Variants in STK32B observed in about 807,000 individuals in gnomAD.
STK32B encodes serine/threonine kinase 32B.
STK32B carries 43 observed loss-of-function variants against 52.6 expected under a neutral mutation model. That is an observed-to-expected ratio of 0.82 (90% CI 0.64 to 1.05). The LOEUF (loss-of-function observed/expected upper bound fraction) is 1.05, where lower values mean the gene tolerates loss of function less well. STK32B is among the 50% of genes least tolerant of loss of function. STK32B has a pLI of 0.00. For synonymous variants in STK32B, 238 were observed against 204.3 expected, an observed-to-expected ratio of 1.17 and a Z score of -1.41; for missense variants, 621 against 534.6, an observed-to-expected ratio of 1.16 and a Z score of -1.59.
intron 2 of STK32B, among the ~76,000 whole-genome samples, chr4:5,166,155 A>G (rs1225205017): frequency 6.6e-6 from 1 of 152,148 alleles, no homozygotes; most frequent in African/African-American, 2.4e-5. Flanking sequence ...CTGTGACACC[A>G]GGAGAAAACC....
At chr4:5,360,954 G>A (rs969053964) in intron 4 of STK32B, among the ~76,000 whole-genome samples, 2 of 152,134 alleles carry the variant, frequency 1.3e-5, no homozygotes, top group Non-Finnish European at 2.9e-5. Flanking sequence ...TTGCAAAACC[G>A]AAATTCTGTA....
intron 4 of STK32B, among the ~76,000 whole-genome samples, chr4:5,390,338 G>A (rs563462966): frequency 6.2e-4 from 94 of 152,284 alleles, no homozygotes; most frequent in African/African-American, 2.0e-3. Context: ...AGTGTCCATC[G>A]ACAGGAGCTG....
At chr4:5,166,133 A>G (rs1718850562) in intron 2 of STK32B, among the ~76,000 whole-genome samples, 1 of 152,044 alleles carries the variant, frequency 6.6e-6, no homozygotes, top group South Asian at 2.1e-4. Context: ...TCAATTTCCA[A>G]CAGAAGAGAG....
intron 3 of STK32B, among the ~76,000 whole-genome samples, chr4:5,278,261 A>C (rs1157829712): frequency 1.3e-5 from 2 of 152,228 alleles, no homozygotes; most frequent in East Asian, 3.9e-4. Flanking sequence ...AAAACTCTTC[A>C]TGCACCAGGA....
rs116256898 is a variant in STK32B, at chr4:5,405,750, C to G, written c.472+7506C>G. The stretch of plus-strand genomic sequence containing the variant: ...GATAACTAATTCATTATTATGAGAA[C>G]AGCAAAAGAGAAATCCACCCTTAGG... On this transcript the variant is annotated intron_variant, in intron 5 of 11. Transcript: ENST00000282908. Among the ~76,000 whole-genome samples, 1,180 of 152,168 alleles carry G rather than the reference C, an allele frequency of 7.8e-3. 23 individuals carry two copies. Among genetic ancestry groups the G allele is most frequent in the African/African-American group, 0.027 (1,111 of 41,480 alleles).
intron 3 of STK32B, among the ~76,000 whole-genome samples, chr4:5,241,267 A>C (rs1241906414): frequency 6.6e-6 from 1 of 152,224 alleles, no homozygotes; most frequent in East Asian, 1.9e-4. Flanking sequence ...GGCTGCACTT[A>C]TCTGGGTTTT....
chr4:5,048,786 C>T (rs1342931061), upstream of STK32B, among the ~76,000 whole-genome samples: 1 of 152,210 alleles, frequency 6.6e-6, no homozygotes, highest in African/African-American at 2.4e-5. Context: ...TTGGCTTAGC[C>T]TATTTGTGCC....
At chr4:5,020,128 C>T in the STK32B span, among the ~76,000 whole-genome samples, 1 of 152,176 alleles carries the variant, frequency 6.6e-6, no homozygotes, top group Non-Finnish European at 1.5e-5. Context: ...ACCTCAAGCT[C>T]CCAGCACAGG....
chr4:5,487,670 C>G (rs76865648), intron 11 of STK32B, among the ~76,000 whole-genome samples: 2 of 152,128 alleles, frequency 1.3e-5, no homozygotes, highest in Non-Finnish European at 2.9e-5. Flanking sequence ...AGAGCAATTA[C>G]GTATTGTAAA....
chr4:5,249,416 G>T (rs1423633155), intron 3 of STK32B, among the ~76,000 whole-genome samples: 1 of 151,488 alleles, frequency 6.6e-6, no homozygotes, highest in Non-Finnish European at 1.5e-5. Flanking sequence ...CTTCCTGCCT[G>T]TCTGTTCTTC....
chr4:5,175,649 T>C (rs562824071), intron 3 of STK32B, among the ~76,000 whole-genome samples: 33 of 152,318 alleles, frequency 2.2e-4, no homozygotes, highest in Non-Finnish European at 4.4e-5. Context: ...TGCTGCCTGA[T>C]CGTTCCTCTG....
intron 3 of STK32B, among the ~76,000 whole-genome samples, chr4:5,258,190 A>G (rs1222170973): frequency 6.6e-6 from 1 of 152,182 alleles, no homozygotes; most frequent in Non-Finnish European, 1.5e-5. Context: ...AAGTCAGAAT[A>G]AAACAAAAAA....
intron 3 of STK32B, among the ~76,000 whole-genome samples, chr4:5,317,339 A>T (rs1159096753): frequency 1.5e-4 from 6 of 40,786 alleles, no homozygotes; most frequent in East Asian, 6.5e-4. Flanking sequence ...TACATATATA[A>T]TACATATATA....
In STK32B at chr4:5,174,440, C is replaced by T. The variant is rs1265572308; in HGVS notation, c.260+5990C>T. ...GGCATGTTTTTGCAGTGGCTGATAC[C>T]GGTTGTTCTTTTCCATGTTTAGTGC... On this transcript the variant is annotated intron_variant, in intron 3 of 11. Transcript: ENST00000282908. Among the ~76,000 whole-genome samples, 16 of 152,070 alleles carry T rather than the reference C, an allele frequency of 1.1e-4. No individual in the cohort carries two copies. In the East Asian group the frequency reaches 1.5e-3, roughly 15 times the overall value.
At chr4:5,294,407 A>G (rs1009005757) in intron 3 of STK32B, among the ~76,000 whole-genome samples, 1 of 152,148 alleles carries the variant, frequency 6.6e-6, no homozygotes, top group Non-Finnish European at 1.5e-5. Context: ...ATCCATGACC[A>G]TGGATTGTTT....
chr4:5,042,243 G>A, the STK32B span, among the ~76,000 whole-genome samples: 1 of 152,210 alleles, frequency 6.6e-6, no homozygotes, highest in African/African-American at 2.4e-5. Flanking sequence ...AGAGCCACAG[G>A]AGAAGTTCTA....
At chr4:5,200,680 A>T (rs1186580920) in intron 3 of STK32B, among the ~76,000 whole-genome samples, 1 of 152,208 alleles carries the variant, frequency 6.6e-6, no homozygotes, top group Non-Finnish European at 1.5e-5. Context: ...CCTCCAGCTT[A>T]AATCTAGTTG....
At chr4:5,373,848 C>G (rs572985844) in intron 4 of STK32B, among the ~76,000 whole-genome samples, 14 of 151,466 alleles carry the variant, frequency 9.2e-5, no homozygotes, top group Non-Finnish European at 1.8e-4. Flanking sequence ...TGGTTTCAAC[C>G]TTTGTGATTT....
intron 2 of STK32B, among the ~76,000 whole-genome samples, chr4:5,156,140 ACACT>A (rs1485915993): frequency 1.7e-4 from 26 of 151,866 alleles, no homozygotes; most frequent in Non-Finnish European, 3.4e-4. Context: ...ATACATATAC[ACACT>A]CATATGTATA....
Sources: allele counts gnomAD v4.1 joint callset (sites outside exome capture counted in the v4.1 genomes callset), GRCh38; gene constraint gnomAD v4.1.1; transcripts MANE v1.5; gene names NCBI Gene and HGNC (gene_info 2026-07-23, HGNC 2026-07-21).